Variants in TINAG observed in about 807,000 individuals in gnomAD.
The protein encoded by TINAG is tubulointerstitial nephritis antigen.
A neutral mutation model predicts 72.7 loss-of-function variants in TINAG; 83 were observed. That is an observed-to-expected ratio of 1.14 (90% CI 0.96 to 1.37). The LOEUF is 1.37. Ranked by LOEUF, TINAG falls within the 40% of genes most tolerant of loss-of-function variation. TINAG has a pLI of 0.00. For missense variants in TINAG, 685 were observed against 576.6 expected, an observed-to-expected ratio of 1.19 and a Z score of -1.93; for synonymous variants, 234 against 189.9, an observed-to-expected ratio of 1.23 and a Z score of -1.91.
intron 9 of TINAG, among the ~76,000 whole-genome samples, chr6:54,368,007 A>T (rs1172186118): frequency 6.6e-6 from 1 of 151,304 alleles, no homozygotes; most frequent in East Asian, 2.0e-4. Flanking sequence ...CAAAGACCCC[A>T]CCTCCTAATA....
Position 54,347,366 on chromosome 6 carries a change from G to T in TINAG, c.749-1G>T. The stretch of plus-strand genomic sequence containing the variant: ...ATTAATTGATATTCTATTTGAAACA[G>T]GTGTGGCTGCTGACCGAATAGCAAT... On this transcript the variant is annotated splice_acceptor_variant, in intron 5 of 10. Transcript: ENST00000259782. LOFTEE classifies it high-confidence loss of function. The T allele has an allele frequency of 6.2e-7, 1 of 1,612,204 alleles. No homozygotes were observed. The highest frequency in any genetic ancestry group is 8.5e-7 in the Non-Finnish European group (1 of 1,179,072).
At chr6:54,351,771 C>A (rs1247903477) in intron 8 of TINAG, among the ~76,000 whole-genome samples, 1 of 151,852 alleles carries the variant, frequency 6.6e-6, no homozygotes, top group Non-Finnish European at 1.5e-5. Flanking sequence ...AAGAATCATA[C>A]ATACAGTTTT....
intron 1 of TINAG, among the ~76,000 whole-genome samples, chr6:54,312,328 T>G (rs542181565): frequency 6.6e-6 from 1 of 152,226 alleles, no homozygotes; most frequent in South Asian, 2.1e-4. Context: ...ATATATTTTA[T>G]AGTTGGTTGG....
intron 4 of TINAG, among the ~76,000 whole-genome samples, chr6:54,337,847 G>A (rs1335785050): frequency 6.6e-6 from 1 of 152,138 alleles, no homozygotes. Context: ...AGAGAGGCAG[G>A]GCCAGATGTT....
intron 6 of TINAG, among the ~76,000 whole-genome samples, chr6:54,349,055 A>C (rs1312093978): frequency 6.6e-6 from 1 of 151,944 alleles, no homozygotes; most frequent in East Asian, 1.9e-4. Context: ...CTACTTTGCT[A>C]TGTTTACTTT....
Position 54,358,534 on chromosome 6 carries a change from C to CAAAA in TINAG, c.1250+3912_1250+3915dup, listed in dbSNP as rs34091915. On this transcript the variant is annotated intron_variant, in intron 9 of 10. Transcript: ENST00000259782. ...ATATTTACATGGAGAAGTTATTCGTCAAAAAAAAAAAAAAAAAGATTAGGG... is the reference window on the plus strand; with the variant it reads ...ATATTTACATGGAGAAGTTATTCGTCAAAAAAAAAAAAAAAAAAAAAGATTAGGG... Among the ~76,000 whole-genome samples, 26 of 112,936 alleles carry CAAAA rather than the reference C, an allele frequency of 2.3e-4. No individual in the cohort carries two copies. The East Asian group carries it at 4.9e-3, about 21-fold the overall frequency. The allele number at this position is 112,936 out of a possible 152,430, so 74.1% of individuals were successfully genotyped here.
chr6:54,339,490 A>C (rs925596970), intron 4 of TINAG, among the ~76,000 whole-genome samples: 1 of 152,188 alleles, frequency 6.6e-6, no homozygotes, highest in African/African-American at 2.4e-5. Context: ...AGATCTCAGA[A>C]GCTACTTTAC....
Position 54,308,457 on chromosome 6 carries a change from C to CT in TINAG, c.-92dup. ...AGTTTCAGGGTTCAGGCTGAAGTGT[C>CT]TTAATGACTAGAATTCAGGTTCCAA... On this transcript the variant is annotated 5_prime_UTR_variant, in exon 1 of 11. Transcript: ENST00000259782. 1.9e-6 allele frequency: 2 copies of CT among 1,043,828 alleles called. No individual in the cohort carries two copies. Among genetic ancestry groups the CT allele is most frequent in the Non-Finnish European group, 2.8e-6 (2 of 721,236 alleles). The allele number at this position is 1,043,828 out of a possible 1,614,324, so 64.7% of individuals were successfully genotyped here.
intron 3 of TINAG, among the ~76,000 whole-genome samples, chr6:54,326,029 T>C (rs1784594769): frequency 6.6e-6 from 1 of 152,132 alleles, no homozygotes; most frequent in South Asian, 2.1e-4. Flanking sequence ...CCTAAAGTGG[T>C]AGATAATTCA....
intron 4 of TINAG, among the ~76,000 whole-genome samples, chr6:54,329,693 G>A (rs1283757717): frequency 6.6e-6 from 1 of 152,018 alleles, no homozygotes; most frequent in Non-Finnish European, 1.5e-5. Flanking sequence ...TGGATAAAGA[G>A]TCAAGACCCA....
Position 54,308,839 on chromosome 6 carries a change from G to C in TINAG, c.289G>C (p.Asp97His). The C allele has an allele frequency of 6.2e-7, 1 of 1,613,764 alleles. No homozygotes were observed. The highest frequency in any genetic ancestry group is 1.1e-5 in the South Asian group (1 of 91,074). ...CAGAGAAAATTCTGATTGCTGTCCTGACTACAAGTCCTTTTGCCGTGAAGA... is the reference window on the plus strand; with the variant it reads ...CAGAGAAAATTCTGATTGCTGTCCTCACTACAAGTCCTTTTGCCGTGAAGA... The part of the protein sequence containing the change: ...CDRENSDCCP[D>H]YKSFCREEKE... Residue 97 changes from aspartate (D) to histidine (H), a missense_variant, in exon 1 of 11, where the codon GAC (aspartate) becomes CAC (histidine). Asp to His is a moderately conservative substitution (Grantham distance 81). Transcript: ENST00000259782.
rs146543281 is a variant in TINAG at position 54,319,128 on chromosome 6, A to G, written c.356-1451A>G. On this transcript the variant is annotated intron_variant, in intron 1 of 10. Transcript: ENST00000259782. Reference sequence around the variant, plus strand: ...TCTGTTCCATTTATCCATGGAATTCATATGTTGAACACTCAAGATTCATGA... The same window carrying G: ...TCTGTTCCATTTATCCATGGAATTCGTATGTTGAACACTCAAGATTCATGA... 1.8e-3 allele frequency among the ~76,000 whole-genome samples: 269 copies of G among 152,188 alleles called. 1 individual carries two copies. The highest frequency in any genetic ancestry group is 2.8e-3 in the Non-Finnish European group (188 of 68,002).
chr6:54,347,459 C>T lies in TINAG; in HGVS notation c.841C>T (p.Arg281Cys), dbSNP rs771773176. 1.2e-6 allele frequency: 2 copies of T among 1,613,196 alleles called. No homozygotes were observed. The highest frequency in any genetic ancestry group is 4.5e-5 in the East Asian group (2 of 44,782). ...TTTGATCTCTTGCTGTGCCAAGAAC[C>T]GTCATGGATGCAATAGTGGAAGCAT... is the stretch of plus-strand genomic sequence containing the variant. ...QNLISCCAKN[R>C]HGCNSGSIDR... The change falls in exon 6 of 11, where the codon CGT becomes TGT. Residue 281 changes from arginine to cysteine, a missense_variant. By Grantham distance (180) the Arg-to-Cys change is radical. Coordinates refer to ENST00000259782, the MANE Select transcript of TINAG (RefSeq NM_014464.4).
intron 8 of TINAG, among the ~76,000 whole-genome samples, chr6:54,352,731 C>A (rs565197559): frequency 6.8e-6 from 1 of 147,212 alleles, no homozygotes; most frequent in East Asian, 2.0e-4. Flanking sequence ...TTTTTTTTTT[C>A]TTTTTCCCTC....
In TINAG at chr6:54,382,906, A is replaced by C. The variant is rs536075350; in HGVS notation, c.1296+2335A>C. On this transcript the variant is annotated intron_variant, in intron 10 of 10. Transcript: ENST00000259782. Reference sequence around the variant, plus strand: ...ATTATGATGAGTTGAAGAGGAACCTATCTTCTCACCATAAACATTAGGAAT... The same window carrying C: ...ATTATGATGAGTTGAAGAGGAACCTCTCTTCTCACCATAAACATTAGGAAT... 3.9e-5 allele frequency among the ~76,000 whole-genome samples: 6 copies of C among 152,278 alleles called. No individual in the cohort carries two copies. The South Asian group carries it at 1.2e-3, about 32-fold the overall frequency.
chr6:54,339,687 C>T (rs947224203), intron 4 of TINAG, among the ~76,000 whole-genome samples: 3 of 152,090 alleles, frequency 2.0e-5, no homozygotes, highest in African/African-American at 7.2e-5. Context: ...GGCACAAAGA[C>T]AAATATTGTT....
chr6:54,377,819 C>A lies in TINAG; in HGVS notation c.1251-2707C>A, dbSNP rs185367627. 3.6e-4 allele frequency among the ~76,000 whole-genome samples: 55 copies of A among 152,164 alleles called. 1 individual carries two copies. The East Asian group carries it at 9.9e-3, about 27-fold the overall frequency. On this transcript the variant is annotated intron_variant, in intron 9 of 10. Coordinates refer to ENST00000259782, the MANE Select transcript of TINAG (RefSeq NM_014464.4). ...AACATACATATATTAGGAAAAAATGCCCTCAAGAAGACAGGAACTCTTTCC... is the reference window on the plus strand; with the variant it reads ...AACATACATATATTAGGAAAAAATGACCTCAAGAAGACAGGAACTCTTTCC...
chr6:54,329,816 T>G (rs1207835749), intron 4 of TINAG, among the ~76,000 whole-genome samples: 1 of 151,906 alleles, frequency 6.6e-6, no homozygotes, highest in Non-Finnish European at 1.5e-5. Flanking sequence ...AAGCAGGGGT[T>G]GCAATCCTGA....
chr6:54,359,293 C>T (rs1763153535), intron 9 of TINAG, among the ~76,000 whole-genome samples: 1 of 151,734 alleles, frequency 6.6e-6, no homozygotes, highest in Non-Finnish European at 1.5e-5. Context: ...TAAACTTTTT[C>T]CTATATATGT....
Sources: allele counts gnomAD v4.1 joint callset (sites outside exome capture counted in the v4.1 genomes callset), GRCh38; gene constraint gnomAD v4.1.1; transcripts MANE v1.5; gene names NCBI Gene and HGNC (gene_info 2026-07-23, HGNC 2026-07-21).